The following PDE4D variants were observed in gnomAD, a reference collection of about 807,000 sequenced individuals.
The protein encoded by PDE4D is 3',5'-cyclic-AMP phosphodiesterase 4D.
A neutral mutation model predicts 87.4 loss-of-function variants in PDE4D; 24 were observed. The ratio of observed to expected loss-of-function variants is 0.27; its 90% CI spans 0.20 to 0.39. PDE4D has a LOEUF of 0.39. Among genes scored for constraint, PDE4D ranks in the 10% least tolerant of loss-of-function variants. The pLI is 1.00. For missense variants in PDE4D, 714 were observed against 1,041.0 expected (o/e 0.69, Z 4.32); for synonymous variants, 384 against 383.2 (o/e 1.00, Z -0.02).
intron 1 of PDE4D, among the ~76,000 whole-genome samples, chr5:60,398,868 C>T (rs1763079546): frequency 6.6e-6 from 1 of 152,134 alleles, no homozygotes; most frequent in Non-Finnish European, 1.5e-5. Context: ...CCAAGTCACA[C>T]AGCTGAACAA....
chr5:60,285,905 T>G (rs1040803603), intron 1 of PDE4D, among the ~76,000 whole-genome samples: 4 of 152,248 alleles, frequency 2.6e-5, no homozygotes, highest in Admixed American at 6.5e-5. Flanking sequence ...CTGTTTCAAA[T>G]GCAATCACCA....
intron 1 of PDE4D, among the ~76,000 whole-genome samples, chr5:60,493,206 G>T (rs1427258100): frequency 6.6e-6 from 1 of 151,912 alleles, no homozygotes; most frequent in Non-Finnish European, 1.5e-5. Context: ...TATGATAGTT[G>T]GTACAAAGTT....
At chr5:60,168,028 T>A (rs1020908908) in intron 2 of PDE4D, among the ~76,000 whole-genome samples, 8 of 152,212 alleles carry the variant, frequency 5.3e-5, no homozygotes, top group African/African-American at 1.9e-4. Context: ...ATGATCCCCC[T>A]GTCCAAGACT....
chr5:59,923,434 C>T (rs1053686364), intron 3 of PDE4D, among the ~76,000 whole-genome samples: 3 of 152,210 alleles, frequency 2.0e-5, no homozygotes, highest in Non-Finnish European at 2.9e-5. Flanking sequence ...TCAGGTCTGA[C>T]CCAGCGCCAT....
At chr5:60,070,579 C>T (rs956627263) in intron 2 of PDE4D, among the ~76,000 whole-genome samples, 4 of 151,896 alleles carry the variant, frequency 2.6e-5, no homozygotes, top group Admixed American at 6.6e-5. Flanking sequence ...TTAATGTGCT[C>T]TTGGATTCAG....
intron 1 of PDE4D, among the ~76,000 whole-genome samples, chr5:60,190,270 C>T (rs1360482556): frequency 6.6e-6 from 1 of 152,142 alleles, no homozygotes; most frequent in African/African-American, 2.4e-5. Context: ...GCCTTGGGCT[C>T]TTAAATGTCC....
intron 1 of PDE4D, chr5:59,768,617 T>G: frequency 1.3e-6 from 2 of 1,538,364 alleles, no homozygotes; most frequent in East Asian, 2.3e-5. Context: ...CTGCTGTTAG[T>G]GCATTCAGTC....
chr5:59,156,315 A>AT (rs1219238419), intron 5 of PDE4D, among the ~76,000 whole-genome samples: 9 of 69,462 alleles, frequency 1.3e-4, no homozygotes, highest in African/African-American at 2.8e-4. Context: ...GCCAGAAAAA[A>AT]AAAAAATATA....
intron 1 of PDE4D, among the ~76,000 whole-genome samples, chr5:59,823,617 T>C (rs1218972320): frequency 1.3e-5 from 2 of 152,048 alleles, no homozygotes; most frequent in Non-Finnish European, 2.9e-5. Context: ...TAGAGAGGTC[T>C]TTCTAAAAAT....
chr5:59,674,061 T>C (rs1176111065), intron 1 of PDE4D, among the ~76,000 whole-genome samples: 1 of 152,182 alleles, frequency 6.6e-6, no homozygotes, highest in Admixed American at 6.5e-5. Flanking sequence ...CCTGCTAGGA[T>C]GCTACCTAAA....
At chr5:60,179,287 C>T (rs1384332936) in intron 2 of PDE4D, among the ~76,000 whole-genome samples, 1 of 151,978 alleles carries the variant, frequency 6.6e-6, no homozygotes, top group Admixed American at 6.6e-5. Flanking sequence ...TTTTAATTTG[C>T]ACAAGTTAGG....
intron 1 of PDE4D, among the ~76,000 whole-genome samples, chr5:60,201,353 G>T (rs1046522339): frequency 2.0e-5 from 3 of 151,546 alleles, no homozygotes; most frequent in Non-Finnish European, 4.4e-5. Flanking sequence ...GCATGAAGAA[G>T]CTTTCTTAGG....
At chr5:59,915,554 G>T (rs1753947234) in intron 3 of PDE4D, among the ~76,000 whole-genome samples, 1 of 152,138 alleles carries the variant, frequency 6.6e-6, no homozygotes, top group African/African-American at 2.4e-5. Flanking sequence ...TTTACAGTTT[G>T]TTTTGAGAAA....
At chr5:59,643,454 T>G (rs73101103) in intron 1 of PDE4D, among the ~76,000 whole-genome samples, 4,517 of 152,248 alleles carry the variant, frequency 0.03, 212 homozygotes, top group African/African-American at 0.1. Context: ...GAGGAAACTT[T>G]TGGGGGTGAT....
intron 1 of PDE4D, among the ~76,000 whole-genome samples, chr5:59,361,050 C>A (rs1211907737): frequency 6.6e-6 from 1 of 151,286 alleles, no homozygotes. Context: ...AGGTTTCCAT[C>A]TACATTAATT....
At chr5:59,109,611 G>A (rs1260873392) in intron 5 of PDE4D, among the ~76,000 whole-genome samples, 1 of 152,156 alleles carries the variant, frequency 6.6e-6, no homozygotes, top group African/African-American at 2.4e-5. Context: ...TGGCTTTAGG[G>A]GCTGGTGCAT....
intron 1 of PDE4D, among the ~76,000 whole-genome samples, chr5:59,387,746 C>G (rs1215168691): frequency 6.6e-6 from 1 of 152,066 alleles, no homozygotes; most frequent in East Asian, 1.9e-4. Context: ...GTGGCTAAAT[C>G]AAGCTAATTA....
chr5:59,544,248 C>T (rs1460752190), intron 1 of PDE4D, among the ~76,000 whole-genome samples: 1 of 152,174 alleles, frequency 6.6e-6, no homozygotes, highest in African/African-American at 2.4e-5. Flanking sequence ...GATTGAATTA[C>T]CCAATTGACG....
chr5:60,176,508 T>C (rs183599040), intron 2 of PDE4D, among the ~76,000 whole-genome samples: 1 of 152,320 alleles, frequency 6.6e-6, no homozygotes, highest in Admixed American at 6.5e-5. Flanking sequence ...CTTGAGATTA[T>C]TTACTGTGAG....
Sources: gnomAD v4.1 joint callset for allele counts (sites outside exome capture counted in the v4.1 genomes callset) on GRCh38, gnomAD v4.1.1 for gene constraint, MANE v1.5 for transcripts, NCBI Gene and HGNC (gene_info 2026-07-23, HGNC 2026-07-21) for gene names.